Variants in RIC1 observed in about 807,000 individuals in gnomAD.
RIC1 encodes the protein RIC1 partner of RAB6A GEF complex.
RIC1 carries 88 observed loss-of-function variants against 169.0 expected under a neutral mutation model. The observed-to-expected ratio is 0.52, with a 90% CI of 0.44 to 0.62. The LOEUF is 0.62. Ranked by LOEUF, RIC1 falls within the 20% of genes least tolerant of loss-of-function variation. RIC1 has a pLI of 0.00. For synonymous variants in RIC1, 790 were observed against 601.5 expected, an observed-to-expected ratio of 1.31 and a Z score of -4.59; for missense variants, 1,877 against 1,725.5, an observed-to-expected ratio of 1.09 and a Z score of -1.56.
intron 4 of RIC1, among the ~76,000 whole-genome samples, chr9:5,718,409 A>T (rs1823396737): frequency 6.6e-6 from 1 of 152,182 alleles, no homozygotes; most frequent in Non-Finnish European, 1.5e-5. Flanking sequence ...CATGAAGATC[A>T]ACAGTGAAGA....
intron 2 of RIC1, among the ~76,000 whole-genome samples, chr9:5,673,842 T>A (rs916719814): frequency 2.0e-4 from 31 of 152,038 alleles, no homozygotes; most frequent in South Asian, 4.1e-4. Context: ...TAGAATCCAA[T>A]GCAGACATTT....
At chr9:5,753,924 CA>C (rs1162049806) in intron 14 of RIC1, among the ~76,000 whole-genome samples, 1 of 151,796 alleles carries the variant, frequency 6.6e-6, no homozygotes, top group Non-Finnish European at 1.5e-5. Flanking sequence ...TCTTACATTC[CA>C]GCTTGAGTTT....
At chr9:5,657,362 G>A (rs1057402000) in intron 2 of RIC1, among the ~76,000 whole-genome samples, 6 of 151,930 alleles carry the variant, frequency 3.9e-5, no homozygotes, top group African/African-American at 1.5e-4. Context: ...GACTTAATAT[G>A]CATTAGCAGT....
At chr9:5,712,262 A>G (rs1007672575) in intron 3 of RIC1, among the ~76,000 whole-genome samples, 4 of 151,996 alleles carry the variant, frequency 2.6e-5, no homozygotes, top group Admixed American at 2.0e-4. Flanking sequence ...TTTAATGATC[A>G]CCATTCTAAC....
intron 14 of RIC1, among the ~76,000 whole-genome samples, chr9:5,754,572 T>C (rs990499295): frequency 3.9e-5 from 6 of 152,012 alleles, no homozygotes; most frequent in Non-Finnish European, 8.8e-5. Context: ...CTACAAAATA[T>C]ACAAAATTAG....
chr9:5,732,561 C>T, intron 7 of RIC1, 82 bp downstream of exon 7: 1 of 805,972 alleles, frequency 1.2e-6, no homozygotes, highest in South Asian at 1.8e-5. Flanking sequence ...TAAGATGTTC[C>T]TAACATACTT....
intron 12 of RIC1, among the ~76,000 whole-genome samples, chr9:5,752,353 T>C (rs746698973): frequency 2.6e-5 from 4 of 152,136 alleles, no homozygotes; most frequent in African/African-American, 7.2e-5. Context: ...TGTTTAGAGA[T>C]AGAATAAAAG....
Position 5,772,742 on chromosome 9 carries a change from G to A in RIC1, c.3794+1G>A. The A allele has an allele frequency of 2.5e-6, 4 of 1,604,504 alleles. No homozygotes were observed. The highest frequency in any genetic ancestry group is 8.5e-7 in the Non-Finnish European group (1 of 1,175,992). On this transcript the variant is annotated splice_donor_variant, in intron 24 of 25. Transcript: ENST00000414202. LOFTEE classifies it high-confidence loss of function. ...CTCATAAATCCCAGGTCCAGCTTCG[G>A]TGAGTTTCTTGGCTATTTGAAATCA...
At position 5,763,638 on chromosome 9, in the gene RIC1, G is replaced by A. The variant is rs1490840545; in HGVS notation, c.2611G>A (p.Glu871Lys). The stretch of plus-strand genomic sequence containing the variant: ...GCTCATGCTCCATGAAGTACTGGAA[G>A]AAGAAGCTACCTCACGGGAGCCCAT... ...LELMLHEVLE[E>K]EATSREPIPD... The change falls in exon 19 of 26, where the codon GAA becomes AAA. Residue 871 changes from glutamate to lysine, a missense_variant. Physicochemically the swap from Glu to Lys is moderately conservative, Grantham distance 56 (BLOSUM62 1). Coordinates refer to ENST00000414202, the MANE Select transcript of RIC1 (RefSeq NM_020829.4). The surrounding 1 kb of genome is among the most constrained non-coding windows in gnomAD (Gnocchi z 5.2). The A allele has an allele frequency of 6.2e-7, 1 of 1,614,066 alleles. No homozygotes were observed. The highest frequency in any genetic ancestry group is 8.5e-7 in the Non-Finnish European group (1 of 1,180,034).
Position 5,732,418 on chromosome 9 carries a change from G to C in RIC1, c.751G>C (p.Val251Leu). ...TCATGGAGTTTGGCCACAAGATGTT[G>C]TTGACGGAACGTGTGTAGCAGTAAA... Reference protein sequence around the residue: ...QLHGVWPQDVVDGTCVAVNNK... With the variant: ...QLHGVWPQDVLDGTCVAVNNK... The change falls in exon 7 of 26, where the codon GTT (valine) becomes CTT (leucine). Residue 251 changes from valine (V) to leucine (L), a missense_variant. Transcript: ENST00000414202. 6.2e-7 allele frequency: 1 copy of C among 1,611,456 alleles called. No homozygotes were observed. The highest frequency in any genetic ancestry group is 8.5e-7 in the Non-Finnish European group (1 of 1,178,748).
At chr9:5,682,963 T>C (rs1820952606) in intron 2 of RIC1, among the ~76,000 whole-genome samples, 1 of 152,258 alleles carries the variant, frequency 6.6e-6, no homozygotes, top group Admixed American at 6.5e-5. Flanking sequence ...CATCGGCTAC[T>C]GAGGCTTGCG....
In RIC1 at chr9:5,683,919, T is replaced by C. The variant is rs531793940; in HGVS notation, c.253-6040T>C. Among the ~76,000 whole-genome samples the C allele has an allele frequency of 2.0e-5, 3 of 152,196 alleles. No individual in the cohort carries two copies. In the South Asian group the frequency reaches 6.2e-4, roughly 32 times the overall value. On this transcript the variant is annotated intron_variant, in intron 2 of 25. Coordinates refer to ENST00000414202, the MANE Select transcript of RIC1 (RefSeq NM_020829.4). ...CTGCTGTGCTAGCAATGAGCGAGGC[T>C]CCGTGGGCATAGGACCCTCCGAGCC...
chr9:5,679,443 T>G (rs1174156988), intron 2 of RIC1, among the ~76,000 whole-genome samples: 2 of 152,254 alleles, frequency 1.3e-5, no homozygotes, highest in East Asian at 3.8e-4. Flanking sequence ...TATGGCTATT[T>G]TCACGATATT....
At chr9:5,728,719 G>T (rs1163208029) in intron 6 of RIC1, among the ~76,000 whole-genome samples, 1 of 152,160 alleles carries the variant, frequency 6.6e-6, no homozygotes, top group African/African-American at 2.4e-5. Context: ...CTTCTGGCCT[G>T]CTCCAAATTA....
intron 3 of RIC1, among the ~76,000 whole-genome samples, chr9:5,702,333 A>G (rs1050439882): frequency 2.6e-5 from 4 of 152,142 alleles, no homozygotes; most frequent in Non-Finnish European, 4.4e-5. Flanking sequence ...TGGGTAATTT[A>G]TAAAGAAAAG....
chr9:5,677,358 AT>A (rs1820512370), intron 2 of RIC1, among the ~76,000 whole-genome samples: 1 of 151,986 alleles, frequency 6.6e-6, no homozygotes, highest in Non-Finnish European at 1.5e-5. Context: ...TCTTTTGCCC[AT>A]TTTTTTAGAT....
chr9:5,630,575 A>T (rs2130194104), intron 1 of RIC1, among the ~76,000 whole-genome samples: 1 of 152,322 alleles, frequency 6.6e-6, no homozygotes, highest in Non-Finnish European at 1.5e-5. Context: ...AGTGACGGGT[A>T]ATTCTGGTGT....
At chr9:5,708,686 G>A (rs900361673) in intron 3 of RIC1, among the ~76,000 whole-genome samples, 4 of 151,836 alleles carry the variant, frequency 2.6e-5, no homozygotes, top group African/African-American at 4.8e-5. Context: ...GATTCTCTTC[G>A]TTTTTTTGAC....
At chr9:5,658,214 T>C (rs976253981) in intron 2 of RIC1, among the ~76,000 whole-genome samples, 1 of 152,150 alleles carries the variant, frequency 6.6e-6, no homozygotes, top group Non-Finnish European at 1.5e-5. Flanking sequence ...GTGTGGTTTC[T>C]TTTATTATTG....
Sources: allele counts gnomAD v4.1 joint callset (sites outside exome capture counted in the v4.1 genomes callset), GRCh38; gene constraint gnomAD v4.1.1; non-coding constraint Gnocchi (gnomAD v3.1); transcripts MANE v1.5; gene names NCBI Gene and HGNC (gene_info 2026-07-23, HGNC 2026-07-21).